MFAP3L: variants seen among roughly 807,000 people sequenced by gnomAD.
MFAP3L encodes the protein microfibrillar-associated protein 3-like.
Under a neutral mutation model 20.0 loss-of-function variants are expected in MFAP3L, and 5 were observed. The observed-to-expected ratio is 0.25, with a 90% CI of 0.13 to 0.53. MFAP3L has a LOEUF of 0.53. Among genes scored for constraint, MFAP3L ranks in the 20% least tolerant of loss-of-function variants. MFAP3L has a pLI of 0.96. For missense variants in MFAP3L, 409 were observed against 527.5 expected (o/e 0.78, Z 2.20); for synonymous variants, 219 against 213.0 (o/e 1.03, Z -0.25).
rs756202345 is a variant in MFAP3L at position 170,005,890 on chromosome 4, C to T, written c.-13G>A. ...TCAATCGATCCATCTTCTTTGCTTGCTCTGTAAGGCAATAGAGAGATGGTT... is the reference window on the plus strand; with the variant it reads ...TCAATCGATCCATCTTCTTTGCTTGTTCTGTAAGGCAATAGAGAGATGGTT... On this transcript the variant is annotated 5_prime_UTR_variant, in exon 2 of 3. Transcript: ENST00000361618. 1 of 1,610,450 alleles carries T rather than the reference C, an allele frequency of 6.2e-7. No homozygotes were observed. Among genetic ancestry groups the T allele is most frequent in the Non-Finnish European group, 8.5e-7 (1 of 1,177,506 alleles).
chr4:170,002,035 C>T (rs1309980707), intron 2 of MFAP3L: 1 of 985,274 alleles, frequency 1.0e-6, no homozygotes, highest in Admixed American at 6.1e-5. Context: ...CAGTGTGCTC[C>T]TTGAGTGACT....
At chr4:170,018,063 C>T (rs1201689172) in intron 1 of MFAP3L, among the ~76,000 whole-genome samples, 1 of 152,196 alleles carries the variant, frequency 6.6e-6, no homozygotes, top group Non-Finnish European at 1.5e-5. Context: ...CCCAAAGGTG[C>T]TTAGAATCTT....
chr4:169,988,290 T>C lies in MFAP3L; in HGVS notation c.*3088A>G, dbSNP rs1323102329. On this transcript the variant is annotated 3_prime_UTR_variant, in exon 3 of 3. Coordinates refer to ENST00000361618, the MANE Select transcript of MFAP3L (RefSeq NM_021647.8). ...ATTATAAATTACATAGATTTTTCCA[T>C]ATAAAATTGTTTTCCCCATTTAGAA... The C allele has an allele frequency of 6.6e-6, 1 of 152,214 alleles. No homozygotes were observed. The highest frequency in any genetic ancestry group is 1.5e-5 in the Non-Finnish European group (1 of 68,032). The allele number at this position is 152,214 out of a possible 1,614,324, so 9.4% of individuals were successfully genotyped here.
At chr4:170,014,608 T>C (rs1739584653) in intron 1 of MFAP3L, among the ~76,000 whole-genome samples, 1 of 152,320 alleles carries the variant, frequency 6.6e-6, no homozygotes, top group Admixed American at 6.5e-5. Context: ...GCACATTGTC[T>C]ATAAATCAGA....
At chr4:170,006,950 C>T (rs1302889833) in intron 1 of MFAP3L, 1 of 152,294 alleles carries the variant, frequency 6.6e-6, no homozygotes. Flanking sequence ...CTCCCACAGG[C>T]TGGGGAACAT....
At chr4:170,015,699 A>G (rs1739657198) in intron 1 of MFAP3L, among the ~76,000 whole-genome samples, 2 of 152,280 alleles carry the variant, frequency 1.3e-5, no homozygotes, top group South Asian at 4.1e-4. Context: ...AGGACTTCCT[A>G]TATGGAAGAC....
chr4:170,014,329 A>G (rs962629376), intron 1 of MFAP3L, among the ~76,000 whole-genome samples: 11 of 152,216 alleles, frequency 7.2e-5, no homozygotes, highest in Non-Finnish European at 1.3e-4. Flanking sequence ...ATTTGATCTC[A>G]AGCCCATTTT....
intron 2 of MFAP3L, among the ~76,000 whole-genome samples, chr4:169,996,559 C>T (rs1414164719): frequency 6.6e-6 from 1 of 152,052 alleles, no homozygotes; most frequent in African/African-American, 2.4e-5. Context: ...CACTGCTAAG[C>T]CAGATCCGCT....
intron 2 of MFAP3L, among the ~76,000 whole-genome samples, chr4:170,004,761 A>C (rs907235078): frequency 1.3e-5 from 2 of 152,190 alleles, no homozygotes; most frequent in Non-Finnish European, 2.9e-5. Flanking sequence ...GAATGGAAGA[A>C]ACTAATAAGC....
chr4:170,015,303 CAT>C (rs958089647), intron 1 of MFAP3L, among the ~76,000 whole-genome samples: 3 of 152,150 alleles, frequency 2.0e-5, no homozygotes, highest in Non-Finnish European at 4.4e-5. Flanking sequence ...CCAAATCTAT[CAT>C]AGTATGATCA....
chr4:170,003,876 TG>T, intron 2 of MFAP3L: 1 of 984,692 alleles, frequency 1.0e-6, no homozygotes, highest in Non-Finnish European at 1.2e-6. Flanking sequence ...CTGGAGGAAG[TG>T]GCTGTAGGAA....
At chr4:170,016,094 G>C (rs1236207897) in intron 1 of MFAP3L, among the ~76,000 whole-genome samples, 2 of 152,258 alleles carry the variant, frequency 1.3e-5, no homozygotes, top group East Asian at 1.9e-4. Flanking sequence ...TTAGCACCAT[G>C]CATTCATTAC....
chr4:169,999,731 A>C (rs1235077576), intron 2 of MFAP3L, among the ~76,000 whole-genome samples: 1 of 152,232 alleles, frequency 6.6e-6, no homozygotes. Context: ...AATGGCGGTT[A>C]CCAGGTTGGC....
Position 170,005,697 on chromosome 4 carries a change from C to T in MFAP3L, c.181G>A (p.Gly61Arg). Residue 61 changes from glycine (G) to arginine (R), a missense_variant, in exon 2 of 3, where the codon GGG becomes AGG. By Grantham distance (125) the Gly-to-Arg change is moderately radical. Transcript: ENST00000361618. ...CTACAGTTAATCAAGGCACTGTTCC[C>T]TTCCTTGACTATGATATGGTCAGTT... ...ARTDHIIVKE[G>R]NSALINCSVY... 6.2e-7 allele frequency: 1 copy of T among 1,614,220 alleles called. No homozygotes were observed. Among genetic ancestry groups the T allele is most frequent in the Non-Finnish European group, 8.5e-7 (1 of 1,180,030 alleles).
chr4:170,003,406 A>C (rs771857990), intron 2 of MFAP3L, among the ~76,000 whole-genome samples: 2 of 152,132 alleles, frequency 1.3e-5, no homozygotes, highest in African/African-American at 4.8e-5. Context: ...ATAACTACCA[A>C]CTAGTTCAAT....
intron 1 of MFAP3L, among the ~76,000 whole-genome samples, chr4:170,020,873 A>G (rs955462279): frequency 1.3e-5 from 2 of 151,600 alleles, no homozygotes; most frequent in Non-Finnish European, 2.9e-5. Flanking sequence ...ATAACTTCCT[A>G]TTTTCGCTAT....
intron 2 of MFAP3L, among the ~76,000 whole-genome samples, chr4:169,998,649 T>A (rs1738382619): frequency 6.6e-6 from 1 of 152,238 alleles, no homozygotes; most frequent in South Asian, 2.1e-4. Context: ...AATCTTTTTA[T>A]GAATGCGTGT....
chr4:170,023,520 T>G (rs1740164106), intron 1 of MFAP3L, among the ~76,000 whole-genome samples: 1 of 152,216 alleles, frequency 6.6e-6, no homozygotes, highest in Non-Finnish European at 1.5e-5. Flanking sequence ...AGGGAGGTAT[T>G]ATACCAAACT....
intron 1 of MFAP3L, among the ~76,000 whole-genome samples, chr4:170,012,010 G>T (rs1247406237): frequency 6.6e-6 from 1 of 152,156 alleles, no homozygotes; most frequent in South Asian, 2.1e-4. Flanking sequence ...GAAGTAGGTT[G>T]GAAAGGCAGG....
Sources: gnomAD v4.1 joint callset for allele counts (sites outside exome capture counted in the v4.1 genomes callset) on GRCh38, gnomAD v4.1.1 for gene constraint, MANE v1.5 for transcripts, NCBI Gene and HGNC (gene_info 2026-07-23, HGNC 2026-07-21) for gene names.